TMEM276: variants seen among roughly 807,000 people sequenced by gnomAD.
TMEM276 encodes the protein transmembrane protein 276.
chr8:144,466,801 C>G, the TMEM276 span: 1 of 1,536,540 alleles, frequency 6.5e-7, no homozygotes, highest in Non-Finnish European at 8.7e-7. Flanking sequence ...CAGACCTGCC[C>G]GCGCCAGAGC....
chr8:144,464,793 G>A, the TMEM276 span: 15 of 1,612,058 alleles, frequency 9.3e-6, no homozygotes, highest in South Asian at 1.1e-4. Context: ...CCCCTGCTCA[G>A]CCCCAGTGTA....
the TMEM276 span, chr8:144,463,872 G>T: frequency 7.3e-7 from 1 of 1,374,942 alleles, no homozygotes; most frequent in South Asian, 1.9e-5. Flanking sequence ...CTCTTCTCTG[G>T]ATCCACAACC....
the TMEM276 span, chr8:144,466,467 C>T: frequency 2.2e-6 from 3 of 1,355,718 alleles, no homozygotes; most frequent in Non-Finnish European, 1.9e-6. Flanking sequence ...ACAGCCTCTT[C>T]CGCAGGGATG....
chr8:144,466,846 C>CG, the TMEM276 span: 2 of 1,536,632 alleles, frequency 1.3e-6, no homozygotes, highest in South Asian at 2.4e-5. Context: ...CCGGTAGGTG[C>CG]GGGCTGGGAG....
chr8:144,464,939 G>T, the TMEM276 span: 9 of 1,603,664 alleles, frequency 5.6e-6, no homozygotes, highest in Admixed American at 3.4e-5. Flanking sequence ...GACACAGATA[G>T]GAGATACTCA....
At chr8:144,465,261 G>T in the TMEM276 span, 1 of 1,118,884 alleles carries the variant, frequency 8.9e-7, no homozygotes, top group Non-Finnish European at 1.1e-6. Context: ...GCCTCGGCCT[G>T]CTCCCTGCGT....
chr8:144,465,171 AG>A, the TMEM276 span: 1 of 1,372,922 alleles, frequency 7.3e-7, no homozygotes, highest in African/African-American at 1.5e-5. Context: ...GGGGAACGTC[AG>A]CCCTGGGGCC....
At chr8:144,466,370 CG>C in the TMEM276 span, 2 of 791,364 alleles carry the variant, frequency 2.5e-6, no homozygotes, top group Non-Finnish European at 1.6e-6. Context: ...AGTCTGGGCG[CG>C]GGGACGCGGG....
chr8:144,466,426 G>A, the TMEM276 span: 1 of 1,339,532 alleles, frequency 7.5e-7, no homozygotes, highest in Non-Finnish European at 9.7e-7. Context: ...TCCCATGTAC[G>A]CCTTTTACTC....
At chr8:144,464,337 G>A in the TMEM276 span, 22 of 1,611,986 alleles carry the variant, frequency 1.4e-5, no homozygotes, top group African/African-American at 4.0e-5. Context: ...TGGTCACTGC[G>A]ACCACCAACA....
the TMEM276 span, chr8:144,464,510 A>G: frequency 6.2e-7 from 1 of 1,612,286 alleles, no homozygotes; most frequent in Non-Finnish European, 8.5e-7. Context: ...GTGGCCACCC[A>G]GGCTCCAGCA....
the TMEM276 span, chr8:144,464,347 A>T: frequency 1.9e-6 from 3 of 1,611,884 alleles, no homozygotes; most frequent in Non-Finnish European, 2.5e-6. Flanking sequence ...GACCACCAAC[A>T]GCATTGCCTG....
chr8:144,466,731 C>T, the TMEM276 span: 12 of 1,502,628 alleles, frequency 8.0e-6, no homozygotes, highest in East Asian at 7.7e-5. Flanking sequence ...CTGCCCCCCT[C>T]CTCAGGGGCG....
the TMEM276 span, chr8:144,465,195 T>C: frequency 2.3e-6 from 3 of 1,299,234 alleles, no homozygotes; most frequent in Middle Eastern, 2.3e-4. Flanking sequence ...GGAGCCCAAG[T>C]GGGAGTGCGG....
chr8:144,463,938 T>G, the TMEM276 span: 1 of 1,456,960 alleles, frequency 6.9e-7, no homozygotes, highest in Non-Finnish European at 9.0e-7. Flanking sequence ...TCCCTTTCAT[T>G]CTGGTCTAGA....
At chr8:144,464,146 T>G in the TMEM276 span, 1 of 1,610,964 alleles carries the variant, frequency 6.2e-7, no homozygotes, top group South Asian at 1.1e-5. Context: ...CTGGAGGCGC[T>G]GTGTATGCAG....
the TMEM276 span, chr8:144,465,354 G>T: frequency 9.3e-7 from 1 of 1,073,226 alleles, no homozygotes; most frequent in Non-Finnish European, 1.1e-6. Flanking sequence ...CGCAGTTACC[G>T]GGCTGCGCGG....
the TMEM276 span, chr8:144,465,245 G>A: frequency 8.7e-7 from 1 of 1,147,478 alleles, no homozygotes; most frequent in Non-Finnish European, 1.1e-6. Context: ...GCAGGCCCAC[G>A]CGGCGGCCTC....
At chr8:144,464,924 A>C in the TMEM276 span, 1 of 1,609,498 alleles carries the variant, frequency 6.2e-7, no homozygotes, top group Non-Finnish European at 8.5e-7. Flanking sequence ...GGCAGTATGT[A>C]CGAGGACACA....
Sources: gnomAD v4.1 joint callset for allele counts on GRCh38, gnomAD v4.1.1 for gene constraint, MANE v1.5 for transcripts, NCBI Gene and HGNC (gene_info 2026-07-23, HGNC 2026-07-21) for gene names.